Variants in RIMS2 observed in about 807,000 individuals in gnomAD.
RIMS2 encodes the protein regulating synaptic membrane exocytosis 2, also known as regulating synaptic membrane exocytosis protein 2.
Under a neutral mutation model 174.4 loss-of-function variants are expected in RIMS2, and 59 were observed. That is an observed-to-expected ratio of 0.34 (90% CI 0.27 to 0.42). The LOEUF (loss-of-function observed/expected upper bound fraction) is 0.42, where lower values mean the gene tolerates loss of function less well. Ranked by LOEUF, RIMS2 falls within the 10% of genes least tolerant of loss-of-function variation. The pLI, the probability that RIMS2 is intolerant of heterozygous loss-of-function variation, is 1.00. For synonymous variants in RIMS2, 606 were observed against 572.5 expected (o/e 1.06, Z -0.84); for missense variants, 1,620 against 1,666.3 (o/e 0.97, Z 0.48).
chr8:103,795,794 T>C lies in RIMS2; in HGVS notation c.698+29257T>C, dbSNP rs1051947725. On this transcript the variant is annotated intron_variant, in intron 3 of 23. Coordinates refer to ENST00000504942, the Ensembl canonical transcript of RIMS2. ...TATCGCTGCCTTTCATATTCAAATA[T>C]GATATTTATTCCCAAATATTTATCT... is the stretch of plus-strand genomic sequence containing the variant. Among the ~76,000 whole-genome samples the C allele has an allele frequency of 1.3e-5, 2 of 152,200 alleles. 1 individual carries two copies. The highest frequency in any genetic ancestry group is 2.9e-5 in the Non-Finnish European group (2 of 68,040).
chr8:103,613,712 G>A (rs1382375424), intron 1 of RIMS2, among the ~76,000 whole-genome samples: 4 of 152,166 alleles, frequency 2.6e-5, no homozygotes, highest in Admixed American at 2.6e-4. Flanking sequence ...GGGTATCACT[G>A]CTGGTTATTC....
chr8:104,196,342 AAC>A (rs2099024387), intron 19 of RIMS2, among the ~76,000 whole-genome samples: 1 of 151,858 alleles, frequency 6.6e-6, no homozygotes, highest in Non-Finnish European at 1.5e-5. Context: ...AACCTTACGA[AAC>A]AAAAGTACTC....
intron 19 of RIMS2, among the ~76,000 whole-genome samples, chr8:104,116,727 C>T (rs2098282666): frequency 6.6e-6 from 1 of 151,486 alleles, no homozygotes; most frequent in South Asian, 2.1e-4. Flanking sequence ...TGTCTGAAAC[C>T]AAAAGAGGAT....
chr8:103,884,135 T>C (rs781581384), intron 3 of RIMS2, among the ~76,000 whole-genome samples: 8 of 151,840 alleles, frequency 5.3e-5, no homozygotes, highest in Non-Finnish European at 1.0e-4. Flanking sequence ...AAAGGGATTC[T>C]GTGACCCGGG....
chr8:104,109,397 A>G (rs2098137353), intron 19 of RIMS2, among the ~76,000 whole-genome samples: 2 of 152,080 alleles, frequency 1.3e-5, no homozygotes, highest in African/African-American at 4.8e-5. Context: ...CTGGATTCAG[A>G]CAGAACTTGA....
intron 19 of RIMS2, chr8:104,015,542 T>A: frequency 1.7e-6 from 1 of 596,550 alleles, no homozygotes; most frequent in Non-Finnish European, 3.0e-6. Context: ...GCAATTGATG[T>A]CCTTTCGTTG....
chr8:104,148,151 G>A (rs1004677192), intron 19 of RIMS2, among the ~76,000 whole-genome samples: 1 of 149,164 alleles, frequency 6.7e-6, no homozygotes, highest in African/African-American at 2.5e-5. Context: ...CTCTTGAAAT[G>A]GATATTATAT....
At chr8:103,909,999 T>C (rs1351105956) in intron 4 of RIMS2, 3 of 485,530 alleles carry the variant, frequency 6.2e-6, no homozygotes, top group Admixed American at 7.3e-5. Context: ...ACTATATATA[T>C]ATATATATAG....
intron 1 of RIMS2, among the ~76,000 whole-genome samples, chr8:103,550,927 C>A (rs1847533787): frequency 1.3e-5 from 2 of 152,110 alleles, no homozygotes; most frequent in African/African-American, 4.8e-5. Context: ...AATAGACCAA[C>A]AACAGGCTCT....
chr8:104,068,194 T>G (rs904787393), intron 19 of RIMS2, among the ~76,000 whole-genome samples: 26 of 152,242 alleles, frequency 1.7e-4, no homozygotes, highest in Non-Finnish European at 3.7e-4. Context: ...ATTGTCAAAT[T>G]TCTGTGCAGT....
rs554949027 is a variant in RIMS2 at position 103,737,175 on chromosome 8, CTTTTTTTTTTTTTTT to C, written c.388-29040_388-29026del. 1.3e-4 allele frequency among the ~76,000 whole-genome samples: 9 copies of C among 67,528 alleles called. No homozygotes were observed. The South Asian group carries it at 4.5e-3, about 34-fold the overall frequency. The allele number at this position is 67,528 out of a possible 152,430, so 44.3% of individuals were successfully genotyped here. Reference sequence around the variant, plus strand: ...TCCTTTTCTTTTCTTTTTCTTTGTTCTTTTTTTTTTTTTTTTTTTTTTTTTTGAGACAGAGTCTTA... The same window carrying C: ...TCCTTTTCTTTTCTTTTTCTTTGTTCTTTTTTTTTTTGAGACAGAGTCTTA... On this transcript the variant is annotated intron_variant, in intron 2 of 23. Coordinates refer to ENST00000504942, the Ensembl canonical transcript of RIMS2.
intron 1 of RIMS2, among the ~76,000 whole-genome samples, chr8:103,617,063 C>G (rs1382571592): frequency 6.6e-6 from 1 of 152,100 alleles, no homozygotes; most frequent in African/African-American, 2.4e-5. Flanking sequence ...ATAGCGAAGG[C>G]AATCCTGAGT....
intron 6 of RIMS2, 28 bp downstream of exon 9, chr8:103,912,200 GC>G (rs1565266251): frequency 6.4e-7 from 1 of 1,572,606 alleles, no homozygotes; most frequent in Admixed American, 1.7e-5. Context: ...TGAGATTTTG[GC>G]TCTATACTCT....
At chr8:104,008,706 G>C (rs188604016) in intron 17 of RIMS2, among the ~76,000 whole-genome samples, 550 of 151,704 alleles carry the variant, frequency 3.6e-3, no homozygotes, top group Non-Finnish European at 5.6e-3. Flanking sequence ...TTTTTTCTAC[G>C]TGAATGGTGT....
chr8:103,799,660 G>A (rs1364091874), intron 3 of RIMS2, among the ~76,000 whole-genome samples: 1 of 152,084 alleles, frequency 6.6e-6, no homozygotes, highest in East Asian at 1.9e-4. Flanking sequence ...GTGGATATGA[G>A]GGGGTATTTT....
chr8:104,042,151 A>T (rs1006735304), intron 19 of RIMS2, among the ~76,000 whole-genome samples: 2 of 151,506 alleles, frequency 1.3e-5, no homozygotes, highest in Non-Finnish European at 3.0e-5. Flanking sequence ...AAAAGGTGGT[A>T]TGATTCCTTT....
rs568682492 is a variant in RIMS2, at chr8:103,661,596, C to T, written c.177-35490C>T. Among the ~76,000 whole-genome samples, 5 of 152,060 alleles carry T rather than the reference C, an allele frequency of 3.3e-5. No individual in the cohort carries two copies. The East Asian group carries it at 5.8e-4, about 18-fold the overall frequency. ...TTGGCTCACTGCAACTTCTGCCTCC[C>T]GGGTTCAATCAATTATCCTGCCTCA... On this transcript the variant is annotated intron_variant, in intron 1 of 23. Transcript: ENST00000504942.
At chr8:104,133,294 G>A (rs1301938775) in intron 19 of RIMS2, among the ~76,000 whole-genome samples, 2 of 152,188 alleles carry the variant, frequency 1.3e-5, no homozygotes, top group African/African-American at 2.4e-5. Flanking sequence ...TGACATTTAG[G>A]TGAAAGAGAA....
chr8:104,147,241 T>A (rs1372013641), intron 19 of RIMS2, among the ~76,000 whole-genome samples: 2 of 152,096 alleles, frequency 1.3e-5, no homozygotes, highest in East Asian at 3.9e-4. Flanking sequence ...GCCTTCTCTC[T>A]CTCTCCCTCG....
Sources: allele counts gnomAD v4.1 joint callset (sites outside exome capture counted in the v4.1 genomes callset), GRCh38; gene constraint gnomAD v4.1.1; transcripts MANE v1.5; gene names NCBI Gene and HGNC (gene_info 2026-07-23, HGNC 2026-07-21).